Variants in TNIK observed in about 807,000 individuals in gnomAD.
The protein encoded by TNIK is TRAF2 and NCK-interacting protein kinase.
TNIK carries 49 observed loss-of-function variants against 191.3 expected under a neutral mutation model. That is an observed-to-expected ratio of 0.26 (90% CI 0.20 to 0.32). The LOEUF (loss-of-function observed/expected upper bound fraction) is 0.32, where lower values mean the gene tolerates loss of function less well. TNIK is among the 10% of genes least tolerant of loss of function. The pLI, the probability that TNIK is intolerant of heterozygous loss-of-function variation, is 1.00. For synonymous variants in TNIK, 594 were observed against 600.9 expected (o/e 0.99, Z 0.17); for missense variants, 1,155 against 1,702.3 (o/e 0.68, Z 5.66).
chr3:171,223,380 G>C (rs1179828508), intron 3 of TNIK, among the ~76,000 whole-genome samples: 1 of 152,106 alleles, frequency 6.6e-6, no homozygotes, highest in Non-Finnish European at 1.5e-5. Flanking sequence ...ACTGTGAGCA[G>C]GCAAAAGACC....
chr3:171,397,522 T>A (rs116048900), intron 1 of TNIK, among the ~76,000 whole-genome samples: 1 of 152,178 alleles, frequency 6.6e-6, no homozygotes, highest in African/African-American at 2.4e-5. Flanking sequence ...ACATGCTGAC[T>A]GCCCAGCTAC....
chr3:171,423,862 C>A (rs542118684), intron 1 of TNIK, among the ~76,000 whole-genome samples: 1 of 152,152 alleles, frequency 6.6e-6, no homozygotes, highest in South Asian at 2.1e-4. Context: ...AAATGTTAGA[C>A]CGAAAACCAT....
At chr3:171,369,875 T>C (rs1185942343) in intron 1 of TNIK, among the ~76,000 whole-genome samples, 190 bp from the exon 2 acceptor site, 4 of 152,222 alleles carry the variant, frequency 2.6e-5, no homozygotes, top group Admixed American at 2.0e-4. Context: ...TTAGCCAAGT[T>C]CTATTTTCTT....
chr3:171,229,361 G>A (rs754690053), intron 2 of TNIK, among the ~76,000 whole-genome samples: 2 of 152,128 alleles, frequency 1.3e-5, no homozygotes, highest in Admixed American at 6.5e-5. Flanking sequence ...GAATAGTAAG[G>A]GCCTCCCCCA....
Position 171,110,749 on chromosome 3 carries a change from G to T in TNIK, c.2249C>A (p.Ser750Ter). The T allele has an allele frequency of 6.2e-7, 1 of 1,601,808 alleles. No homozygotes were observed. Among genetic ancestry groups the T allele is most frequent in the Non-Finnish European group, 8.5e-7 (1 of 1,174,354 alleles). ...GGTGCGTTCACTGGATCCTGCTTGT[G>T]ATCCAGGCTGGGAGCCTCCTTGGGA... ...PSSQGGSQPGSQAGSSERTRV... is the reference protein window; with the variant it reads ...PSSQGGSQPG The change falls in exon 19 of 33, where the codon TCA becomes TAA. Residue 750 changes from serine to a stop codon, truncating the protein, a stop_gained. Transcript: ENST00000436636. LOFTEE classifies it high-confidence loss of function.
chr3:171,072,948 G>C (rs904142503), intron 28 of TNIK, among the ~76,000 whole-genome samples: 1 of 151,948 alleles, frequency 6.6e-6, no homozygotes, highest in South Asian at 2.1e-4. Context: ...AAAACATCCC[G>C]TGCTCATGGA....
chr3:171,247,066 C>G (rs1745671691), intron 2 of TNIK, among the ~76,000 whole-genome samples: 1 of 152,202 alleles, frequency 6.6e-6, no homozygotes, highest in Admixed American at 6.5e-5. Context: ...GCAGGATATG[C>G]AATTGGAGAA....
intron 2 of TNIK, among the ~76,000 whole-genome samples, chr3:171,303,920 A>C (rs1753144157): frequency 1.3e-5 from 2 of 152,090 alleles, no homozygotes; most frequent in Non-Finnish European, 2.9e-5. Context: ...CGAGGCAAGG[A>C]ACCTTTATAG....
At chr3:171,140,284 G>A in intron 13 of TNIK, 115 bp downstream of exon 13, 2 of 812,512 alleles carry the variant, frequency 2.5e-6, no homozygotes, top group Non-Finnish European at 3.8e-6. Context: ...GCTTGAGGAA[G>A]AGTAAAAACC....
intron 26 of TNIK, among the ~76,000 whole-genome samples, chr3:171,083,789 GTGGGGTATATCAC>G (rs1176072558): frequency 6.6e-6 from 1 of 152,126 alleles, no homozygotes; most frequent in Non-Finnish European, 1.5e-5. Context: ...GAGAATGAAC[GTGGGGTATATCAC>G]AAAGTGCCAG....
chr3:171,324,209 AG>A (rs773468840), intron 2 of TNIK, among the ~76,000 whole-genome samples: 8 of 152,186 alleles, frequency 5.3e-5, no homozygotes, highest in South Asian at 2.1e-4. Context: ...GAACCTATGG[AG>A]CATTTGGGTA....
rs1354945985 is a variant in TNIK at position 171,139,575 on chromosome 3, G to A, written c.1333-19C>T. The A allele has an allele frequency of 6.2e-7, 1 of 1,611,404 alleles. No individual in the cohort carries two copies. The highest frequency in any genetic ancestry group is 1.7e-5 in the Admixed American group (1 of 59,978). On this transcript the variant is annotated intron_variant, in intron 13 of 32. Transcript: ENST00000436636. Reference sequence around the variant, plus strand: ...TGTATTCCTGGAGAGGTAGGCAGCAGAGAATTCAGAGGAACAGAAAGAAAG... The same window carrying A: ...TGTATTCCTGGAGAGGTAGGCAGCAAAGAATTCAGAGGAACAGAAAGAAAG...
At chr3:171,257,742 G>A (rs983502840) in intron 2 of TNIK, among the ~76,000 whole-genome samples, 1 of 152,142 alleles carries the variant, frequency 6.6e-6, no homozygotes, top group African/African-American at 2.4e-5. Context: ...ATTCATCTTT[G>A]CCATAAACTA....
intron 2 of TNIK, among the ~76,000 whole-genome samples, chr3:171,345,220 A>G (rs1208567198): frequency 2.0e-5 from 3 of 152,154 alleles, no homozygotes; most frequent in African/African-American, 7.2e-5. Flanking sequence ...TCAATTAGAG[A>G]ACAGGAGCTA....
chr3:171,222,091 G>A (rs1742413823), intron 3 of TNIK, among the ~76,000 whole-genome samples: 1 of 152,112 alleles, frequency 6.6e-6, no homozygotes, highest in South Asian at 2.1e-4. Context: ...AGAAAACTGT[G>A]GCTCAGAAAA....
chr3:171,447,969 G>T (rs766026609), intron 1 of TNIK, among the ~76,000 whole-genome samples: 1 of 152,164 alleles, frequency 6.6e-6, no homozygotes, highest in East Asian at 1.9e-4. Context: ...AATTTTTTAG[G>T]CATGATAATA....
intron 17 of TNIK, 54 bp from the exon 18 acceptor site, chr3:171,123,756 G>A (rs1728101216): frequency 3.6e-6 from 5 of 1,379,418 alleles, no homozygotes; most frequent in Non-Finnish European, 4.9e-6. Context: ...TCCATAGCCT[G>A]TTGTCAGAAA....
At chr3:171,277,991 G>A (rs892388527) in intron 2 of TNIK, among the ~76,000 whole-genome samples, 4 of 152,160 alleles carry the variant, frequency 2.6e-5, no homozygotes, top group African/African-American at 9.7e-5. Context: ...TCATGCCACT[G>A]CACTCCAGCA....
At chr3:171,116,863 T>A (rs1413791945) in intron 18 of TNIK, among the ~76,000 whole-genome samples, 1 of 152,226 alleles carries the variant, frequency 6.6e-6, no homozygotes, top group East Asian at 1.9e-4. Context: ...ACTTAACTGA[T>A]CACCTTCACA....
Sources: allele counts gnomAD v4.1 joint callset (sites outside exome capture counted in the v4.1 genomes callset), GRCh38; gene constraint gnomAD v4.1.1; transcripts MANE v1.5; gene names NCBI Gene and HGNC (gene_info 2026-07-23, HGNC 2026-07-21).